Variants in YIPF2 observed in about 807,000 individuals in gnomAD.
YIPF2 encodes the protein Yip1 domain family member 2, also known as protein YIPF2.
Under a neutral mutation model 38.8 loss-of-function variants are expected in YIPF2, and 30 were observed. The ratio of observed to expected loss-of-function variants is 0.77; its 90% CI spans 0.58 to 1.05. YIPF2 has a LOEUF of 1.05. Among genes scored for constraint, YIPF2 ranks in the 50% least tolerant of loss-of-function variants. The pLI is 0.00. For synonymous variants in YIPF2, 194 were observed against 183.8 expected (o/e 1.06, Z -0.45); for missense variants, 401 against 409.7 (o/e 0.98, Z 0.18).
intron 4 of YIPF2, 163 bp downstream of exon 4, chr19:10,927,467 G>T: frequency 1.1e-6 from 1 of 908,420 alleles, no homozygotes; most frequent in Non-Finnish European, 1.6e-6. Context: ...TGTGTCCCCT[G>T]TGTTCCCATA....
chr19:10,923,684 G>C lies in YIPF2; in HGVS notation c.652-7C>G, dbSNP rs745489400. ...CAGGGATGAGCCACAGGACCTGGGA[G>C]CAACACGGCGGCAGGTGACCATGCC... is the stretch of plus-strand genomic sequence containing the variant. On this transcript the variant is annotated splice_polypyrimidine_tract_variant and splice_region_variant and intron_variant, in intron 7 of 9. Transcript: ENST00000586748. 1 of 1,600,598 alleles carries C rather than the reference G, an allele frequency of 6.2e-7. No individual in the cohort carries two copies. Among genetic ancestry groups the C allele is most frequent in the Admixed American group, 1.7e-5 (1 of 59,208 alleles).
chr19:10,926,516 G>A (rs916601699), intron 4 of YIPF2, among the ~76,000 whole-genome samples: 1 of 151,574 alleles, frequency 6.6e-6, no homozygotes, highest in Admixed American at 6.6e-5. Flanking sequence ...GTGAGCCACC[G>A]CACCCGGCCT....
Position 10,928,532 on chromosome 19 carries a change from G to C in YIPF2, c.-52C>G. ...CTACCTGGCGACCAACTGCACCCAC[G>C]GAGGCTTGAACTCGTCGTCCCGTCC... On this transcript the variant is annotated 5_prime_UTR_variant, in exon 1 of 10. Transcript: ENST00000586748. 1 of 1,249,768 alleles carries C rather than the reference G, an allele frequency of 8.0e-7. No homozygotes were observed. The allele number at this position is 1,249,768 out of a possible 1,614,324, so 77.4% of individuals were successfully genotyped here.
At position 10,923,880 on chromosome 19, in the gene YIPF2, T is replaced by C; in HGVS notation, c.604A>G (p.Thr202Ala). Reference sequence around the variant, plus strand: ...AGGGAGTAGCCGTAGATGCACACAGTCTCCAGGAAGGTGTAGGGCCCCATG... The same window carrying C: ...AGGGAGTAGCCGTAGATGCACACAGCCTCCAGGAAGGTGTAGGGCCCCATG... ...ERMGPYTFLE[T>A]VCIYGYSLFV... The change falls in exon 7 of 10, where the codon ACT becomes GCT. Residue 202 changes from threonine to alanine, a missense_variant. By Grantham distance (58) the Thr-to-Ala change is moderately conservative. Transcript: ENST00000586748. 6.2e-7 allele frequency: 1 copy of C among 1,613,286 alleles called. No homozygotes were observed. Among genetic ancestry groups the C allele is most frequent in the Non-Finnish European group, 8.5e-7 (1 of 1,179,658 alleles).
chr19:10,923,885 A>G lies in YIPF2; in HGVS notation c.599T>C (p.Leu200Pro). 4 of 1,613,314 alleles carry G rather than the reference A, an allele frequency of 2.5e-6. No homozygotes were observed. The highest frequency in any genetic ancestry group is 3.4e-6 in the Non-Finnish European group (4 of 1,179,644). The change falls in exon 7 of 10, where the codon CTG (leucine) becomes CCG (proline). Residue 200 changes from leucine to proline, a missense_variant. By Grantham distance (98) the Leu-to-Pro change is moderately conservative. Coordinates refer to ENST00000586748, the MANE Select transcript of YIPF2 (RefSeq NM_001321439.2). ...GTAGCCGTAGATGCACACAGTCTCC[A>G]GGAAGGTGTAGGGCCCCATGCGCTC... ...VQERMGPYTFLETVCIYGYSL... is the reference protein window; with the variant it reads ...VQERMGPYTFPETVCIYGYSL...
chr19:10,923,533 C>G lies in YIPF2; in HGVS notation c.796G>C (p.Val266Leu). The change falls in exon 8 of 10, where the codon GTC becomes CTC. Residue 266 changes from valine to leucine, a missense_variant. Physicochemically the swap from Val to Leu is conservative, Grantham distance 32. Transcript: ENST00000586748. The stretch of plus-strand genomic sequence containing the variant: ...GCCAGGAGGGCGTGGAGCAGCACGA[C>G]CACGGACAGCAGCACTGTGGCCACC... Reference protein sequence around the residue: ...RLVATVLLSVVVLLHALLAMG... With the variant: ...RLVATVLLSVLVLLHALLAMG... The G allele has an allele frequency of 6.2e-7, 1 of 1,612,562 alleles. No homozygotes were observed. The highest frequency in any genetic ancestry group is 8.5e-7 in the Non-Finnish European group (1 of 1,179,758).
chr19:10,925,793 C>T lies in YIPF2; in HGVS notation c.280-20G>A. On this transcript the variant is annotated intron_variant, in intron 4 of 9. Transcript: ENST00000586748. ...CAGGACCTGGGGGCAAGGCCAAGGT[C>T]AAGGATGGAAGTCTGCCAGGAGCTT... The T allele has an allele frequency of 6.2e-7, 1 of 1,611,370 alleles. No individual in the cohort carries two copies. Among genetic ancestry groups the T allele is most frequent in the South Asian group, 1.1e-5 (1 of 90,808 alleles).
At chr19:10,928,265 G>T in intron 2 of YIPF2, 115 bp downstream of exon 2, 1 of 1,261,426 alleles carries the variant, frequency 7.9e-7, no homozygotes, top group Non-Finnish European at 1.0e-6. Context: ...CTCACTCCTG[G>T]GTCAGGGTTC....
At chr19:10,925,215 G>T (rs1371166920) in intron 5 of YIPF2, among the ~76,000 whole-genome samples, 4 of 150,142 alleles carry the variant, frequency 2.7e-5, no homozygotes, top group Non-Finnish European at 5.9e-5. Flanking sequence ...CTGGGTGACA[G>T]AGTGAGACTC....
rs1390686598 is a variant in YIPF2 at position 10,927,796 on chromosome 19, C to G, written c.192+3G>C. On this transcript the variant is annotated splice_donor_region_variant and intron_variant, in intron 3 of 9. Transcript: ENST00000586748. ...TGCAAGGAGGCAGGACACAGGGACT[C>G]ACCGCGGCCTTGTCACTCTCCTCCT... 1 of 1,607,098 alleles carries G rather than the reference C, an allele frequency of 6.2e-7. No individual in the cohort carries two copies. The highest frequency in any genetic ancestry group is 1.1e-5 in the South Asian group (1 of 90,948).
intron 4 of YIPF2, among the ~76,000 whole-genome samples, chr19:10,926,135 T>G (rs963420261): frequency 2.0e-5 from 3 of 152,002 alleles, no homozygotes; most frequent in African/African-American, 7.2e-5. Flanking sequence ...GGTCTCGAAC[T>G]CCTGACCTCA....
In YIPF2 at chr19:10,928,399, GGCCGAT is replaced by G. The variant is rs2083460413; in HGVS notation, c.6_11del (p.Ser3_Ala4del). On this transcript the variant is annotated inframe_deletion, in exon 2 of 10. Coordinates refer to ENST00000586748, the MANE Select transcript of YIPF2 (RefSeq NM_001321439.2). ...ACTCACCATGGAAGGTCAGCTCGTC[GGCCGAT>G]GCCATGGTCGTTCAGGGGCGTCTCC... The G allele has an allele frequency of 9.8e-6, 13 of 1,332,476 alleles. No homozygotes were observed. Among genetic ancestry groups the G allele is most frequent in the Non-Finnish European group, 1.2e-5 (12 of 1,036,654 alleles). 82.5% of individuals were successfully genotyped at this position (1,332,476 alleles called of 1,614,324 possible). A position where few individuals can be genotyped will look rare whatever the true frequency, so the allele number is the denominator to read the frequency against.
In YIPF2 at chr19:10,923,621, C is replaced by G. The variant is rs901919469; in HGVS notation, c.708G>C (p.Leu236=). The G allele has an allele frequency of 3.7e-6, 6 of 1,612,960 alleles. No homozygotes were observed. The highest frequency in any genetic ancestry group is 4.2e-6 in the Non-Finnish European group (5 of 1,179,574). The change falls in exon 8 of 10, where the codon CTG becomes CTC. Residue 236 remains leucine (L), a synonymous_variant. Coordinates refer to ENST00000586748, the MANE Select transcript of YIPF2 (RefSeq NM_001321439.2). ...WLQWLFGALA[L]GLSAAGLVFT... is the part of the protein sequence containing the mutation. The stretch of plus-strand genomic sequence containing the variant: ...ATACCAGCCCGGCGGCTGACAGGCC[C>G]AGGGCCAGCGCCCCAAAGAGCCACT...
chr19:10,923,539 A>T lies in YIPF2; in HGVS notation c.790T>A (p.Ser264Thr). ...AGGGCGTGGAGCAGCACGACCACGG[A>T]CAGCAGCACTGTGGCCACCAGCCTG... The part of the protein sequence containing the change: ...DTRLVATVLL[S>T]VVVLLHALLA... Residue 264 changes from serine to threonine, a missense_variant, in exon 8 of 10, where the codon TCC (serine) becomes ACC (threonine). By Grantham distance (58) the Ser-to-Thr change is moderately conservative. Transcript: ENST00000586748. 6.2e-7 allele frequency: 1 copy of T among 1,612,606 alleles called. No homozygotes were observed. Among genetic ancestry groups the T allele is most frequent in the South Asian group, 1.1e-5 (1 of 91,070 alleles).
At chr19:10,925,645 T>C (rs1176331947) in intron 5 of YIPF2, 41 bp downstream of exon 5, 1 of 1,612,112 alleles carries the variant, frequency 6.2e-7, no homozygotes, top group Non-Finnish European at 8.5e-7. Flanking sequence ...CCACACTTGT[T>C]GAGTGATCCA....
chr19:10,927,729 G>A lies in YIPF2; in HGVS notation c.193-13C>T, dbSNP rs201902152. ...GCTCCTGCAGGAGCTGCACATTGCG[G>A]GCATTCAGTGCCTGCCCGGAGAGCC... On this transcript the variant is annotated splice_polypyrimidine_tract_variant and intron_variant, in intron 3 of 9. Coordinates refer to ENST00000586748, the MANE Select transcript of YIPF2 (RefSeq NM_001321439.2). 9 of 1,612,928 alleles carry A rather than the reference G, an allele frequency of 5.6e-6. No individual in the cohort carries two copies. Among genetic ancestry groups the A allele is most frequent in the South Asian group, 1.1e-5 (1 of 91,070 alleles).
Position 10,923,067 on chromosome 19 carries a change from G to A in YIPF2, c.*127C>T, listed in dbSNP as rs2074287040. The A allele has an allele frequency of 3.9e-6, 2 of 509,318 alleles. No individual in the cohort carries two copies. Among genetic ancestry groups the A allele is most frequent in the Non-Finnish European group, 3.4e-6 (1 of 292,326 alleles). The allele number at this position is 509,318 out of a possible 1,614,324, so 31.5% of individuals were successfully genotyped here. A position where few individuals can be genotyped will look rare whatever the true frequency, so the allele number is the denominator to read the frequency against. ...CATAGAAAATAAAAGTGTTTGCTTTGTAAGAAAAGTCTGGAAAGTAGCAGA... is the reference window on the plus strand; with the variant it reads ...CATAGAAAATAAAAGTGTTTGCTTTATAAGAAAAGTCTGGAAAGTAGCAGA... On this transcript the variant is annotated 3_prime_UTR_variant, in exon 10 of 10. Coordinates refer to ENST00000586748, the MANE Select transcript of YIPF2 (RefSeq NM_001321439.2).
intron 4 of YIPF2, among the ~76,000 whole-genome samples, chr19:10,926,505 C>T (rs1176079933): frequency 4.6e-5 from 7 of 152,026 alleles, no homozygotes; most frequent in Non-Finnish European, 1.5e-5. Flanking sequence ...GGATTACAGG[C>T]GTGAGCCACC....
chr19:10,928,446 G>C lies in YIPF2; in HGVS notation c.-30-6C>G, dbSNP rs371669988. 2.2e-6 allele frequency: 3 copies of C among 1,357,536 alleles called. No individual in the cohort carries two copies. In the African/African-American group the frequency reaches 4.6e-5, roughly 21 times the overall value. 84.1% of individuals were successfully genotyped at this position (1,357,536 alleles called of 1,614,324 possible). A position where few individuals can be genotyped will look rare whatever the true frequency, so the allele number is the denominator to read the frequency against. On this transcript the variant is annotated splice_polypyrimidine_tract_variant and splice_region_variant and intron_variant, in intron 1 of 9. Coordinates refer to ENST00000586748, the MANE Select transcript of YIPF2 (RefSeq NM_001321439.2). Reference sequence around the variant, plus strand: ...GGGCGTCTCCGCATCCCTCGCTGAGGACAGAGACCGGTCAGGCACACTTCC... The same window carrying C: ...GGGCGTCTCCGCATCCCTCGCTGAGCACAGAGACCGGTCAGGCACACTTCC...
Sources: allele counts gnomAD v4.1 joint callset (sites outside exome capture counted in the v4.1 genomes callset), GRCh38; gene constraint gnomAD v4.1.1; transcripts MANE v1.5; gene names NCBI Gene and HGNC (gene_info 2026-07-23, HGNC 2026-07-21).